Variants in CNTN4 observed in about 807,000 individuals in gnomAD.
The protein encoded by CNTN4 is contactin 4.
A neutral mutation model predicts 122.5 loss-of-function variants in CNTN4; 77 were observed. That is an observed-to-expected ratio of 0.63 (90% CI 0.52 to 0.76). CNTN4 has a LOEUF of 0.76. Among genes scored for constraint, CNTN4 ranks in the 30% least tolerant of loss-of-function variants. CNTN4 has a pLI of 0.00. For synonymous variants in CNTN4, 512 were observed against 447.0 expected, an observed-to-expected ratio of 1.15 and a Z score of -1.83; for missense variants, 1,256 against 1,259.1, an observed-to-expected ratio of 1.00 and a Z score of 0.04.
Position 3,056,935 on chromosome 3 carries a change from C to T in CNTN4, c.*715C>T, listed in dbSNP as rs1701839081. The T allele has an allele frequency of 6.5e-6, 1 of 152,778 alleles. No individual in the cohort carries two copies. Among genetic ancestry groups the T allele is most frequent in the Non-Finnish European group, 1.5e-5 (1 of 68,032 alleles). 9.5% of individuals were successfully genotyped at this position (152,778 alleles called of 1,614,324 possible). On this transcript the variant is annotated 3_prime_UTR_variant, in exon 25 of 25. Coordinates refer to ENST00000418658, the MANE Select transcript of CNTN4 (RefSeq NM_175607.3). ...CAAGAGGCACCTTGTGCAATATTCC[C>T]ATCCCTGAATTTAGCATTGTACAGG... is the stretch of plus-strand genomic sequence containing the variant.
chr3:2,206,486 A>G (rs1288173637), intron 2 of CNTN4, among the ~76,000 whole-genome samples: 1 of 152,080 alleles, frequency 6.6e-6, no homozygotes, highest in Non-Finnish European at 1.5e-5. Context: ...CCCTGAAATA[A>G]CATTTTTAAG....
chr3:2,651,071 A>G (rs1229643724), intron 4 of CNTN4, among the ~76,000 whole-genome samples: 1 of 152,214 alleles, frequency 6.6e-6, no homozygotes, highest in Non-Finnish European at 1.5e-5. Flanking sequence ...GCAGACATTG[A>G]GTGAACAAGT....
chr3:2,687,289 G>GCCTTCTATAGGCAGGGCACA (rs11270157), intron 4 of CNTN4, among the ~76,000 whole-genome samples: 1 of 152,122 alleles, frequency 6.6e-6, no homozygotes, highest in East Asian at 1.9e-4. Context: ...GTTCCCTGAA[G>GCCTTCTATAGGCAGGGCACA]TTCCCACCAC....
intron 2 of CNTN4, among the ~76,000 whole-genome samples, chr3:2,196,494 G>A (rs755609523): frequency 2.6e-5 from 4 of 151,968 alleles, no homozygotes; most frequent in Non-Finnish European, 4.4e-5. Flanking sequence ...TAATTATACG[G>A]CCAATACAGA....
chr3:2,324,206 G>A (rs1201292179), intron 2 of CNTN4, among the ~76,000 whole-genome samples: 1 of 152,114 alleles, frequency 6.6e-6, no homozygotes, highest in East Asian at 1.9e-4. Context: ...CCCAGGGGCA[G>A]GGTGTTGGGC....
intron 14 of CNTN4, among the ~76,000 whole-genome samples, chr3:3,015,466 C>T (rs9829254): frequency 0.14 from 21,725 of 152,064 alleles, 1,887 homozygotes; most frequent in African/African-American, 0.25. Flanking sequence ...ATATTAATAC[C>T]TTCTATTTTA....
chr3:2,287,804 TGAG>T (rs993496038), intron 2 of CNTN4, among the ~76,000 whole-genome samples: 4 of 134,408 alleles, frequency 3.0e-5, no homozygotes, highest in Non-Finnish European at 4.9e-5. Context: ...AAGGGGAAGG[TGAG>T]GAGGAAGAGG....
chr3:3,048,491 A>C (rs1700905495), intron 23 of CNTN4, among the ~76,000 whole-genome samples: 1 of 133,456 alleles, frequency 7.5e-6, no homozygotes. Context: ...CCAATGAATA[A>C]CTCTCTCTCT....
At chr3:3,024,691 T>C (rs2125625712) in intron 14 of CNTN4, among the ~76,000 whole-genome samples, 1 of 152,316 alleles carries the variant, frequency 6.6e-6, no homozygotes, top group East Asian at 1.9e-4. Flanking sequence ...ATTTCCCTTT[T>C]GTAACTGAGA....
At chr3:2,391,793 AC>A (rs2046450250) in intron 3 of CNTN4, among the ~76,000 whole-genome samples, 1 of 152,176 alleles carries the variant, frequency 6.6e-6, no homozygotes, top group Non-Finnish European at 1.5e-5. Context: ...GCCCTTGATC[AC>A]AAAAACTTAC....
In CNTN4 at chr3:2,390,295, A is replaced by C. The variant is rs533497480; in HGVS notation, c.-89+51062A>C. Among the ~76,000 whole-genome samples, 96 of 150,576 alleles carry C rather than the reference A, an allele frequency of 6.4e-4. 1 individual carries two copies. The highest frequency in any genetic ancestry group is 1.1e-3 in the Non-Finnish European group (74 of 67,704). On this transcript the variant is annotated intron_variant, in intron 3 of 24. Transcript: ENST00000418658. Reference sequence around the variant, plus strand: ...ATAGAGGAAATGTAGTAAAATGTTAAATTTTGATAATCTTGGCGAATTGAA... The same window carrying C: ...ATAGAGGAAATGTAGTAAAATGTTACATTTTGATAATCTTGGCGAATTGAA...
intron 2 of CNTN4, among the ~76,000 whole-genome samples, chr3:2,334,380 AACTTCTT>A (rs1378876501): frequency 1.3e-5 from 2 of 152,086 alleles, no homozygotes; most frequent in Non-Finnish European, 2.9e-5. Context: ...GCTGGTCTTG[AACTTCTT>A]ACCTCAAGTG....
At chr3:2,901,038 G>T (rs2094167424) in intron 11 of CNTN4, among the ~76,000 whole-genome samples, 1 of 152,150 alleles carries the variant, frequency 6.6e-6, no homozygotes, top group Admixed American at 6.5e-5. Flanking sequence ...CTAGATCTGT[G>T]GTCTTCAAAG....
At chr3:2,726,574 C>T (rs1289323000) in intron 4 of CNTN4, among the ~76,000 whole-genome samples, 1 of 152,164 alleles carries the variant, frequency 6.6e-6, no homozygotes, top group Non-Finnish European at 1.5e-5. Context: ...GAATTAGTGA[C>T]CCTGATATCT....
At chr3:2,550,535 A>G (rs991942924) in intron 3 of CNTN4, among the ~76,000 whole-genome samples, 1 of 152,208 alleles carries the variant, frequency 6.6e-6, no homozygotes, top group Non-Finnish European at 1.5e-5. Flanking sequence ...TGTGGAAGAC[A>G]GTGTGGCGAT....
chr3:2,660,230 A>AAC lies in CNTN4; in HGVS notation c.56-75985_56-75984insAC, dbSNP rs397973651. Reference sequence around the variant, plus strand: ...TGGTTTATAAATGATTAAAAAAAAAACTCTAATAGTATACTCAAAACATTT... The same window carrying AAC: ...TGGTTTATAAATGATTAAAAAAAAAAACCTCTAATAGTATACTCAAAACATTT... On this transcript the variant is annotated intron_variant, in intron 4 of 24. Coordinates refer to ENST00000418658, the MANE Select transcript of CNTN4 (RefSeq NM_175607.3). Among the ~76,000 whole-genome samples, 478 of 151,272 alleles carry AAC rather than the reference A, an allele frequency of 3.2e-3. 2 individuals carry two copies. The highest frequency in any genetic ancestry group is 8.9e-3 in the East Asian group (46 of 5,144).
rs532094787 is a variant in CNTN4 at position 2,694,245 on chromosome 3, C to T, written c.56-41970C>T. Among the ~76,000 whole-genome samples the T allele has an allele frequency of 1.3e-5, 2 of 152,254 alleles. 1 individual carries two copies. Among genetic ancestry groups the T allele is most frequent in the African/African-American group, 4.8e-5 (2 of 41,550 alleles). On this transcript the variant is annotated intron_variant, in intron 4 of 24. Transcript: ENST00000418658. ...GCTCCTACCATTCCCACTTTTAAAGCCAAACACAGCTGTTTTGTTCTGCTG... is the reference window on the plus strand; with the variant it reads ...GCTCCTACCATTCCCACTTTTAAAGTCAAACACAGCTGTTTTGTTCTGCTG...
intron 4 of CNTN4, among the ~76,000 whole-genome samples, chr3:2,589,284 C>T (rs184284358): frequency 1.3e-5 from 2 of 152,276 alleles, no homozygotes; most frequent in Admixed American, 6.5e-5. Context: ...TTGGGGAGCC[C>T]AGTTGGCTCT....
intron 2 of CNTN4, among the ~76,000 whole-genome samples, chr3:2,177,516 G>A (rs572678558): frequency 2.6e-4 from 40 of 152,112 alleles, no homozygotes; most frequent in African/African-American, 9.6e-4. Flanking sequence ...AGGCTATTCA[G>A]CATGCCTGTG....
Sources: gnomAD v4.1 joint callset for allele counts (sites outside exome capture counted in the v4.1 genomes callset) on GRCh38, gnomAD v4.1.1 for gene constraint, MANE v1.5 for transcripts, NCBI Gene and HGNC (gene_info 2026-07-23, HGNC 2026-07-21) for gene names.